GPHN: variants seen among roughly 807,000 people sequenced by gnomAD.
The protein encoded by GPHN is gephyrin.
In GPHN, 17 loss-of-function variants were observed where a neutral mutation model predicts 95.5. The observed-to-expected ratio is 0.18, with a 90% CI of 0.12 to 0.27. The LOEUF (loss-of-function observed/expected upper bound fraction) is 0.27, where lower values mean the gene tolerates loss of function less well. Among genes scored for constraint, GPHN ranks in the 10% least tolerant of loss-of-function variants. GPHN has a pLI of 1.00. For synonymous variants in GPHN, 320 were observed against 322.5 expected (o/e 0.99, Z 0.08); for missense variants, 660 against 978.1 (o/e 0.67, Z 4.34).
chr14:67,266,635 C>T, the GPHN span, among the ~76,000 whole-genome samples: 1 of 151,714 alleles, frequency 6.6e-6, no homozygotes, highest in Admixed American at 6.6e-5. Flanking sequence ...TGAAATATTT[C>T]AGTTTTTACT....
At chr14:67,645,919 T>A in the GPHN span, 1 of 1,172,612 alleles carries the variant, frequency 8.5e-7, no homozygotes, top group Admixed American at 2.2e-5. Flanking sequence ...CACTCCTTCA[T>A]TTGTTCATCA....
the GPHN span, chr14:67,651,695 C>A: frequency 1.2e-5 from 5 of 404,346 alleles, no homozygotes; most frequent in Non-Finnish European, 1.7e-5. Flanking sequence ...ACAATAAAAA[C>A]CAAAGCATAA....
At chr14:67,030,171 T>A (rs2074127940) in intron 10 of GPHN, among the ~76,000 whole-genome samples, 1 of 152,128 alleles carries the variant, frequency 6.6e-6, no homozygotes, top group African/African-American at 2.4e-5. Context: ...TTTTTCCAAT[T>A]GTCTGTTGTA....
At chr14:67,348,393 G>C in the GPHN span, among the ~76,000 whole-genome samples, 18 of 152,056 alleles carry the variant, frequency 1.2e-4, no homozygotes, top group African/African-American at 3.1e-4. Context: ...CTTTGGTAAA[G>C]ATGGGGTTTC....
chr14:66,900,980 G>C (rs2065100810), intron 5 of GPHN, among the ~76,000 whole-genome samples: 1 of 151,956 alleles, frequency 6.6e-6, no homozygotes, highest in South Asian at 2.1e-4. Flanking sequence ...TCTCCATAGT[G>C]GCTCTACTAA....
chr14:66,661,284 C>T (rs1286315615), intron 1 of GPHN, among the ~76,000 whole-genome samples: 1 of 152,202 alleles, frequency 6.6e-6, no homozygotes, highest in South Asian at 2.1e-4. Flanking sequence ...GCGGGAGGGG[C>T]AGACTACCAT....
the GPHN span, chr14:67,642,129 G>A: frequency 6.5e-6 from 10 of 1,545,446 alleles, no homozygotes; most frequent in Admixed American, 3.4e-5. Context: ...GCCCAGGCTA[G>A]TTAAGAGTTG....
Position 66,824,498 on chromosome 14 carries a change from GA to G in GPHN, c.230del (p.Lys77ArgfsTer5). 6.3e-7 allele frequency: 1 copy of G among 1,591,960 alleles called. No individual in the cohort carries two copies. The highest frequency in any genetic ancestry group is 8.6e-7 in the Non-Finnish European group (1 of 1,160,242). On this transcript the variant is annotated frameshift_variant, in exon 4 of 23. Coordinates refer to ENST00000478722, the MANE Select transcript of GPHN (RefSeq NM_020806.5). LOFTEE classifies it high-confidence loss of function. ...GGAAACCCTGATAGATTGGTGTGAT[GA>G]AAAGGAACTTAATTTGATATTAACA... ...IKETLIDWCD[E>X]KELNLILTTG...
the GPHN span, among the ~76,000 whole-genome samples, chr14:67,660,406 A>C: frequency 8.5e-5 from 13 of 152,176 alleles, no homozygotes; most frequent in South Asian, 4.2e-4. Flanking sequence ...CCTCATCTCT[A>C]TATATATATA....
At chr14:67,203,317 A>G in the GPHN span, 1 of 1,535,808 alleles carries the variant, frequency 6.5e-7, no homozygotes, top group Non-Finnish European at 8.8e-7. Context: ...AGAAGAGGTT[A>G]AAGATCTCTC....
the GPHN span, chr14:67,586,096 A>G: frequency 2.5e-6 from 4 of 1,613,732 alleles, no homozygotes; most frequent in African/African-American, 2.7e-5. Context: ...GCTGCTCCCA[A>G]GGTAGGTCTG....
chr14:67,552,362 A>C, the GPHN span, among the ~76,000 whole-genome samples: 1 of 152,212 alleles, frequency 6.6e-6, no homozygotes, highest in Non-Finnish European at 1.5e-5. Flanking sequence ...CCTCGTGAAA[A>C]GTGTTGATGC....
intron 2 of GPHN, among the ~76,000 whole-genome samples, chr14:66,770,156 C>T (rs1380939742): frequency 6.6e-6 from 1 of 152,102 alleles, no homozygotes; most frequent in Non-Finnish European, 1.5e-5. Flanking sequence ...ATATCCTTTG[C>T]CCACTTTTTA....
chr14:66,812,057 GCTACAA>G (rs1410660794), intron 3 of GPHN, among the ~76,000 whole-genome samples: 4 of 152,174 alleles, frequency 2.6e-5, no homozygotes, highest in African/African-American at 9.7e-5. Flanking sequence ...TGGCTTCTTG[GCTACAA>G]GAATGGTTTG....
At chr14:67,300,484 C>G in the GPHN span, among the ~76,000 whole-genome samples, 1 of 152,092 alleles carries the variant, frequency 6.6e-6, no homozygotes, top group Non-Finnish European at 1.5e-5. Context: ...CACGCCACCA[C>G]GCCTGGCTAA....
chr14:67,476,358 G>A, the GPHN span, among the ~76,000 whole-genome samples: 4 of 152,244 alleles, frequency 2.6e-5, no homozygotes, highest in South Asian at 4.2e-4. Flanking sequence ...AGGCTGAGGC[G>A]GGTGGATCAC....
chr14:67,302,397 T>C, the GPHN span: 9 of 1,486,756 alleles, frequency 6.1e-6, no homozygotes, highest in East Asian at 5.0e-5. Context: ...ATTATACATA[T>C]ATATATTTTT....
At chr14:67,117,879 A>G (rs1361323707) in intron 16 of GPHN, among the ~76,000 whole-genome samples, 2 of 152,182 alleles carry the variant, frequency 1.3e-5, no homozygotes, top group African/African-American at 4.8e-5. Flanking sequence ...GCAAAAAGGC[A>G]GAAGAGACCT....
At chr14:67,594,887 C>T in the GPHN span, among the ~76,000 whole-genome samples, 4 of 152,158 alleles carry the variant, frequency 2.6e-5, no homozygotes, top group Admixed American at 2.0e-4. Context: ...CGGTGGCTCA[C>T]GCCTGTAATC....
Sources: gnomAD v4.1 joint callset for allele counts (sites outside exome capture counted in the v4.1 genomes callset) on GRCh38, gnomAD v4.1.1 for gene constraint, MANE v1.5 for transcripts, NCBI Gene and HGNC (gene_info 2026-07-23, HGNC 2026-07-21) for gene names.